The following CLSTN2 variants were observed in gnomAD, a reference collection of about 807,000 sequenced individuals.
The protein encoded by CLSTN2 is calsyntenin-2.
CLSTN2 carries 48 observed loss-of-function variants against 101.2 expected under a neutral mutation model. That is an observed-to-expected ratio of 0.47 (90% confidence interval 0.38 to 0.60). CLSTN2 has a LOEUF of 0.60. Among genes scored for constraint, CLSTN2 ranks in the 20% least tolerant of loss-of-function variants. CLSTN2 has a pLI of 0.00. For synonymous variants in CLSTN2, 481 were observed against 463.6 expected (o/e 1.04, Z -0.48); for missense variants, 1,160 against 1,238.2 (o/e 0.94, Z 0.95).
intron 10 of CLSTN2, among the ~76,000 whole-genome samples, chr3:140,547,633 C>T (rs549048895): frequency 6.6e-6 from 1 of 152,320 alleles, no homozygotes; most frequent in South Asian, 2.1e-4. Flanking sequence ...AGAAGCTCCT[C>T]CCAAAGAGGG....
At chr3:140,123,737 G>A (rs2009382290) in intron 1 of CLSTN2, among the ~76,000 whole-genome samples, 1 of 151,972 alleles carries the variant, frequency 6.6e-6, no homozygotes, top group African/African-American at 2.4e-5. Context: ...GTGGATGTTT[G>A]CCTTCTTGCT....
At chr3:140,035,674 T>C (rs576883500) in intron 1 of CLSTN2, among the ~76,000 whole-genome samples, 12 of 152,172 alleles carry the variant, frequency 7.9e-5, no homozygotes, top group Non-Finnish European at 1.6e-4. Context: ...GAATGGTACT[T>C]GATTCACAGA....
intron 2 of CLSTN2, among the ~76,000 whole-genome samples, chr3:140,270,548 T>C (rs1468465547): frequency 6.6e-6 from 1 of 152,154 alleles, no homozygotes; most frequent in Non-Finnish European, 1.5e-5. Context: ...GTGCCTCCCA[T>C]CCAGATGACT....
chr3:140,267,213 A>G (rs780843903), intron 2 of CLSTN2, among the ~76,000 whole-genome samples: 14 of 152,186 alleles, frequency 9.2e-5, no homozygotes, highest in Admixed American at 3.9e-4. Flanking sequence ...TAACCCACCA[A>G]GGTTTTGTGA....
chr3:140,056,589 G>A (rs1576412035), intron 1 of CLSTN2, among the ~76,000 whole-genome samples: 1 of 152,148 alleles, frequency 6.6e-6, no homozygotes, highest in Non-Finnish European at 1.5e-5. Flanking sequence ...GAAGGATAGG[G>A]AGCAGCTCCC....
intron 12 of CLSTN2, among the ~76,000 whole-genome samples, chr3:140,561,558 T>C (rs192399101): frequency 3.3e-5 from 5 of 152,368 alleles, no homozygotes; most frequent in East Asian, 3.9e-4. Flanking sequence ...TATTAATGAT[T>C]CAGCTCCATT....
chr3:140,315,154 C>T (rs183023077), intron 2 of CLSTN2, among the ~76,000 whole-genome samples: 2 of 152,320 alleles, frequency 1.3e-5, no homozygotes, highest in East Asian at 3.9e-4. Flanking sequence ...ATCCGTGGAT[C>T]CTGCTCAGAG....
intron 2 of CLSTN2, among the ~76,000 whole-genome samples, chr3:140,278,385 T>C (rs2086814371): frequency 6.6e-6 from 1 of 152,194 alleles, no homozygotes; most frequent in Admixed American, 6.5e-5. Flanking sequence ...CACTACTCTT[T>C]ACAGCTTCTC....
chr3:140,300,072 C>T (rs952224029), intron 2 of CLSTN2, among the ~76,000 whole-genome samples: 2 of 152,224 alleles, frequency 1.3e-5, no homozygotes, highest in Admixed American at 1.3e-4. Flanking sequence ...GGCTCCCTCA[C>T]TGGGAGCTAT....
chr3:140,032,357 C>T (rs538392065), intron 1 of CLSTN2, among the ~76,000 whole-genome samples: 84 of 124,422 alleles, frequency 6.8e-4, no homozygotes, highest in East Asian at 6.3e-3. Context: ...TTTTTTGAGA[C>T]GGAGTCTCAC....
chr3:140,464,100 C>T lies in CLSTN2; in HGVS notation c.1223-2510C>T, dbSNP rs186569108. ...GGCAATTTGGAGACCTCTGCAGAGC[C>T]GTTGGAAAATGAAAAACTCTACTGG... On this transcript the variant is annotated intron_variant, in intron 7 of 16. Coordinates refer to ENST00000458420, the MANE Select transcript of CLSTN2 (RefSeq NM_022131.3). 3.3e-5 allele frequency among the ~76,000 whole-genome samples: 5 copies of T among 152,194 alleles called. No individual in the cohort carries two copies. In the East Asian group the frequency reaches 7.7e-4, roughly 24 times the overall value.
At position 140,347,611 on chromosome 3, in the gene CLSTN2, T is replaced by A. The variant is rs192131717; in HGVS notation, c.233-56018T>A. On this transcript the variant is annotated intron_variant, in intron 2 of 16. Transcript: ENST00000458420. ...TCTGGAGTCAACAGGGAATGAGCCA[T>A]CCTAGCAAATATACTTTCACAATCT... 5.9e-4 allele frequency among the ~76,000 whole-genome samples: 90 copies of A among 152,358 alleles called. 1 individual carries two copies. The highest frequency in any genetic ancestry group is 1.1e-3 in the Non-Finnish European group (77 of 68,018).
chr3:140,007,168 G>A (rs1314926471), intron 1 of CLSTN2, among the ~76,000 whole-genome samples: 4 of 152,050 alleles, frequency 2.6e-5, no homozygotes, highest in African/African-American at 9.7e-5. Context: ...ATGGAATGGG[G>A]TGGGAGACTG....
At chr3:140,073,391 A>C (rs543072584) in intron 1 of CLSTN2, among the ~76,000 whole-genome samples, 103 of 152,346 alleles carry the variant, frequency 6.8e-4, no homozygotes, top group African/African-American at 2.4e-3. Context: ...TTTGGAACTA[A>C]GACAATGTAG....
At chr3:140,045,622 T>G (rs2007861538) in intron 1 of CLSTN2, among the ~76,000 whole-genome samples, 1 of 152,248 alleles carries the variant, frequency 6.6e-6, no homozygotes, top group Non-Finnish European at 1.5e-5. Context: ...GGTGTCAATT[T>G]TAGATCTTTC....
chr3:140,525,236 A>G (rs1935113330), intron 8 of CLSTN2, among the ~76,000 whole-genome samples: 1 of 152,208 alleles, frequency 6.6e-6, no homozygotes. Context: ...ATCCCAACAA[A>G]CAAAATTGGA....
chr3:140,100,147 C>CTT lies in CLSTN2; in HGVS notation c.110-75791_110-75790dup, dbSNP rs34115783. Among the ~76,000 whole-genome samples, 142 of 145,460 alleles carry CTT rather than the reference C, an allele frequency of 9.8e-4. 1 individual carries two copies. The highest frequency in any genetic ancestry group is 7.3e-3 in the Middle Eastern group (2 of 274). On this transcript the variant is annotated intron_variant, in intron 1 of 16. Coordinates refer to ENST00000458420, the MANE Select transcript of CLSTN2 (RefSeq NM_022131.3). The stretch of plus-strand genomic sequence containing the variant: ...ATTATCCTCTGTAAGTTGCATTTCT[C>CTT]TTTTTTTTTTTTTTGAACCATGCAA...
intron 2 of CLSTN2, among the ~76,000 whole-genome samples, chr3:140,196,336 G>T (rs1411415073): frequency 6.6e-6 from 1 of 152,170 alleles, no homozygotes; most frequent in African/African-American, 2.4e-5. Flanking sequence ...GAAACAGGAG[G>T]GCTAAGGTGC....
At chr3:140,553,845 A>G (rs1229811660) in intron 10 of CLSTN2, among the ~76,000 whole-genome samples, 1 of 152,206 alleles carries the variant, frequency 6.6e-6, no homozygotes, top group Non-Finnish European at 1.5e-5. Flanking sequence ...CGCAATGCCC[A>G]GGAAGGAAAG....
Sources: gnomAD v4.1 joint callset for allele counts (sites outside exome capture counted in the v4.1 genomes callset) on GRCh38, gnomAD v4.1.1 for gene constraint, MANE v1.5 for transcripts, NCBI Gene and HGNC (gene_info 2026-07-23, HGNC 2026-07-21) for gene names.